The following EYA3 variants were observed in gnomAD, a reference collection of about 807,000 sequenced individuals.
EYA3 encodes EYA transcriptional coactivator and phosphatase 3, also known as protein phosphatase EYA3.
In EYA3, 39 loss-of-function variants were observed where a neutral mutation model predicts 80.0. The ratio of observed to expected loss-of-function variants is 0.49; its 90% CI spans 0.38 to 0.64. EYA3 has a LOEUF of 0.64. EYA3 is among the 30% of genes least tolerant of loss of function. EYA3 has a pLI of 0.00. For missense variants in EYA3, 523 were observed against 676.1 expected (o/e 0.77, Z 2.51); for synonymous variants, 206 against 232.8 (o/e 0.88, Z 1.05).
intron 1 of EYA3, among the ~76,000 whole-genome samples, chr1:28,080,069 A>G (rs938831054): frequency 6.6e-6 from 1 of 152,196 alleles, no homozygotes; most frequent in African/African-American, 2.4e-5. Context: ...AAAGCTAATC[A>G]TTCTAATGTA....
chr1:27,976,487 T>C (rs369106750), intron 17 of EYA3, among the ~76,000 whole-genome samples: 4 of 151,734 alleles, frequency 2.6e-5, no homozygotes, highest in Non-Finnish European at 5.9e-5. Context: ...AAAAAAAGAA[T>C]GCCAGACTAG....
chr1:28,019,114 T>C (rs1345062602), intron 7 of EYA3, among the ~76,000 whole-genome samples: 1 of 152,160 alleles, frequency 6.6e-6, no homozygotes, highest in Admixed American at 6.5e-5. Flanking sequence ...TGCAGTGAGC[T>C]GAGATCGCGC....
intron 13 of EYA3, among the ~76,000 whole-genome samples, chr1:27,994,895 G>C (rs916853320): frequency 1.7e-4 from 26 of 151,778 alleles, no homozygotes; most frequent in African/African-American, 6.0e-4. Context: ...CTTGAGCCCA[G>C]GAGGCTATTG....
At position 28,079,992 on chromosome 1, in the gene EYA3, A is replaced by G. The variant is rs186862778; in HGVS notation, c.-69+8532T>C. On this transcript the variant is annotated intron_variant, in intron 1 of 17. Coordinates refer to ENST00000373871, the MANE Select transcript of EYA3 (RefSeq NM_001990.4). ...TAGGGGAAAGATCTAGCAGTCACTA[A>G]AATTTTGCAAACTGCAGGTACATTG... 2.1e-3 allele frequency among the ~76,000 whole-genome samples: 317 copies of G among 152,264 alleles called. 1 individual carries two copies. Among genetic ancestry groups the G allele is most frequent in the African/African-American group, 7.3e-3 (304 of 41,550 alleles).
chr1:27,982,914 C>T (rs984653358), intron 16 of EYA3, among the ~76,000 whole-genome samples: 1 of 152,082 alleles, frequency 6.6e-6, no homozygotes, highest in African/African-American at 2.4e-5. Flanking sequence ...TTACTTAATC[C>T]ACTTTTAACT....
In EYA3 at chr1:28,049,265, G is replaced by A. The variant is rs193180223; in HGVS notation, c.34-839C>T. ...ACAGGCAAGCCCCATAAAATTTGTC[G>A]TGGCCATATACTCCTCATGAGAATA... On this transcript the variant is annotated intron_variant, in intron 2 of 17. Transcript: ENST00000373871. Among the ~76,000 whole-genome samples the A allele has an allele frequency of 1.6e-4, 25 of 152,140 alleles. 1 individual carries two copies. The East Asian group carries it at 4.6e-3, about 28-fold the overall frequency.
intron 11 of EYA3, among the ~76,000 whole-genome samples, chr1:28,002,159 C>G (rs1161418391): frequency 6.6e-6 from 1 of 152,104 alleles, no homozygotes; most frequent in East Asian, 1.9e-4. Flanking sequence ...AGCTGATCTG[C>G]CCTCCTCGGC....
intron 2 of EYA3, among the ~76,000 whole-genome samples, chr1:28,057,218 G>A (rs1054051057): frequency 3.3e-5 from 5 of 151,894 alleles, no homozygotes; most frequent in Admixed American, 1.3e-4. Context: ...ACTAGAACAC[G>A]AAAAACATAT....
chr1:28,079,229 A>T (rs1006939655), intron 1 of EYA3, among the ~76,000 whole-genome samples: 1 of 152,248 alleles, frequency 6.6e-6, no homozygotes. Flanking sequence ...TCACTCTACC[A>T]GCTAGGATAG....
intron 17 of EYA3, 116 bp downstream of exon 17, chr1:27,978,258 G>T: frequency 2.8e-6 from 2 of 710,548 alleles, no homozygotes; most frequent in South Asian, 4.7e-5. Context: ...AATGGGAGAG[G>T]AAGAAAGAGA....
intron 1 of EYA3, among the ~76,000 whole-genome samples, chr1:28,072,885 A>G (rs1010566395): frequency 3.7e-4 from 56 of 151,898 alleles, no homozygotes; most frequent in African/African-American, 1.3e-3. Context: ...CATACAATGG[A>G]ATACTGTACA....
intron 1 of EYA3, among the ~76,000 whole-genome samples, chr1:28,064,344 A>G (rs1198272473): frequency 6.7e-6 from 1 of 149,048 alleles, no homozygotes; most frequent in Non-Finnish European, 1.5e-5. Context: ...TTAGGTAGAG[A>G]GGGAAGCAAG....
At chr1:28,010,921 G>A (rs1641649028) in intron 10 of EYA3, 26 bp downstream of exon 10, 3 of 1,602,622 alleles carry the variant, frequency 1.9e-6, no homozygotes, top group Non-Finnish European at 2.6e-6. Flanking sequence ...AACAAAGTAG[G>A]TAACTAAATC....
At chr1:28,020,073 T>C (rs976475254) in intron 7 of EYA3, among the ~76,000 whole-genome samples, 12 of 152,194 alleles carry the variant, frequency 7.9e-5, no homozygotes, top group African/African-American at 2.9e-4. Flanking sequence ...GAAAATGTAC[T>C]CTGATTGACA....
Position 27,973,796 on chromosome 1 carries a change from T to G in EYA3, c.*670A>C. On this transcript the variant is annotated 3_prime_UTR_variant, in exon 18 of 18. Coordinates refer to ENST00000373871, the MANE Select transcript of EYA3 (RefSeq NM_001990.4). The stretch of plus-strand genomic sequence containing the variant: ...AGGGAGGTATTTTAGATATTTCAAT[T>G]ACTATTTTCAAGACTTTAAACACCC... 6.6e-6 allele frequency: 1 copy of G among 152,228 alleles called. No homozygotes were observed. The allele number at this position is 152,228 out of a possible 1,614,324, so 9.4% of individuals were successfully genotyped here. A position where few individuals can be genotyped will look rare whatever the true frequency, so the allele number is the denominator to read the frequency against.
intron 2 of EYA3, among the ~76,000 whole-genome samples, chr1:28,052,714 C>T (rs1454097734): frequency 6.6e-6 from 1 of 151,922 alleles, no homozygotes; most frequent in Non-Finnish European, 1.5e-5. Flanking sequence ...GAGGCTGAGG[C>T]AGGTGGATCA....
intron 16 of EYA3, among the ~76,000 whole-genome samples, chr1:27,980,803 C>A (rs1639249397): frequency 6.6e-6 from 1 of 152,126 alleles, no homozygotes; most frequent in Admixed American, 6.5e-5. Context: ...TTTGGGAGGC[C>A]TAAGGCAGGA....
At chr1:28,077,698 CTGTT>C (rs1282077637) in intron 1 of EYA3, among the ~76,000 whole-genome samples, 1 of 152,046 alleles carries the variant, frequency 6.6e-6, no homozygotes, top group East Asian at 1.9e-4. Context: ...TTTAAAAAAT[CTGTT>C]TGAAGATCCA....
At position 28,079,803 on chromosome 1, in the gene EYA3, T is replaced by C. The variant is rs541362561; in HGVS notation, c.-69+8721A>G. Among the ~76,000 whole-genome samples the C allele has an allele frequency of 1.2e-4, 18 of 152,014 alleles. No homozygotes were observed. The South Asian group carries it at 3.7e-3, about 32-fold the overall frequency. On this transcript the variant is annotated intron_variant, in intron 1 of 17. Transcript: ENST00000373871. Reference sequence around the variant, plus strand: ...GCAAACCTAAACATTTTCTTTTTTTTTTTTTTGGTAGAGACAGGGTCTCGC... The same window carrying C: ...GCAAACCTAAACATTTTCTTTTTTTCTTTTTTGGTAGAGACAGGGTCTCGC...
Sources: allele counts gnomAD v4.1 joint callset (sites outside exome capture counted in the v4.1 genomes callset), GRCh38; gene constraint gnomAD v4.1.1; transcripts MANE v1.5; gene names NCBI Gene and HGNC (gene_info 2026-07-23, HGNC 2026-07-21).